TARS3: variants seen among roughly 807,000 people sequenced by gnomAD.
TARS3 encodes the protein threonine--tRNA ligase 2, cytoplasmic.
Under a neutral mutation model 103.5 loss-of-function variants are expected in TARS3, and 94 were observed. The observed-to-expected ratio is 0.91, with a 90% CI of 0.77 to 1.08. TARS3 has a LOEUF of 1.08. Ranked by LOEUF, TARS3 falls within the 50% of genes least tolerant of loss-of-function variation. The pLI is 0.00. For synonymous variants in TARS3, 416 were observed against 355.4 expected, an observed-to-expected ratio of 1.17 and a Z score of -1.92; for missense variants, 952 against 995.2, an observed-to-expected ratio of 0.96 and a Z score of 0.58.
chr15:101,689,973 T>C (rs1340543060), intron 10 of TARS3, among the ~76,000 whole-genome samples: 1 of 152,254 alleles, frequency 6.6e-6, no homozygotes, highest in Non-Finnish European at 1.5e-5. Context: ...CATTTAGTTA[T>C]GACTTTTCCT....
At chr15:101,661,859 C>A in intron 15 of TARS3, 43 bp from the exon 16 acceptor site, 2 of 1,204,872 alleles carry the variant, frequency 1.7e-6, no homozygotes, top group South Asian at 1.6e-5. Flanking sequence ...TCCTAAGATT[C>A]AATAACTATC....
chr15:101,687,424 A>C (rs1898522989), intron 10 of TARS3, among the ~76,000 whole-genome samples: 1 of 152,120 alleles, frequency 6.6e-6, no homozygotes, highest in Non-Finnish European at 1.5e-5. Context: ...GAAAATGTTT[A>C]ACAAAATGAT....
At chr15:101,681,218 T>C (rs982351785) in intron 12 of TARS3, among the ~76,000 whole-genome samples, 3 of 152,204 alleles carry the variant, frequency 2.0e-5, no homozygotes, top group African/African-American at 7.2e-5. Context: ...TCTTCCAAAT[T>C]TGTTTTTATC....
intron 7 of TARS3, among the ~76,000 whole-genome samples, chr15:101,704,408 A>G (rs1899437426): frequency 6.6e-6 from 1 of 152,130 alleles, no homozygotes. Context: ...TAATCCCAGC[A>G]CTTTGGGAGG....
intron 5 of TARS3, among the ~76,000 whole-genome samples, chr15:101,710,440 A>G (rs1349461820): frequency 1.3e-5 from 2 of 152,238 alleles, no homozygotes; most frequent in African/African-American, 4.8e-5. Flanking sequence ...CCAGACTTCC[A>G]GCTGGCATCT....
chr15:101,709,014 T>A, intron 5 of TARS3, 104 bp from the exon 6 acceptor site: 1 of 740,846 alleles, frequency 1.3e-6, no homozygotes, highest in Non-Finnish European at 2.2e-6. Flanking sequence ...ATCTGCTGTC[T>A]TATTGTTCCA....
chr15:101,654,653 C>G lies in TARS3; in HGVS notation c.2338G>C (p.Val780Leu), dbSNP rs759947099. 6 of 1,614,184 alleles carry G rather than the reference C, an allele frequency of 3.7e-6. No homozygotes were observed. Among genetic ancestry groups the G allele is most frequent in the Non-Finnish European group, 5.1e-6 (6 of 1,180,004 alleles). The change falls in exon 19 of 19, where the codon GTA becomes CTA. Residue 780 changes from valine to leucine, a missense_variant. By Grantham distance (32) the Val-to-Leu change is conservative. Around this residue, in one of 2 missense-constraint regions of TARS3, gnomAD observed 540 missense variants for 631.0 expected, o/e 0.86. Coordinates refer to ENST00000335968, the MANE Select transcript of TARS3 (RefSeq NM_152334.3). ...TTCAGTTTATCAATGGCAGAAGTTA[C>G]TAAAATCTCTCCATGAATTTTGTTG... Reference protein sequence around the residue: ...RDNKIHGEILVTSAIDKLKNL... With the variant: ...RDNKIHGEILLTSAIDKLKNL...
At chr15:101,681,930 A>C (rs1376872497) in intron 12 of TARS3, among the ~76,000 whole-genome samples, 1 of 152,132 alleles carries the variant, frequency 6.6e-6, no homozygotes, top group East Asian at 1.9e-4. Context: ...ATTGTTTCTT[A>C]TTTGCAATTT....
chr15:101,682,371 T>C (rs957841568), intron 12 of TARS3, among the ~76,000 whole-genome samples: 1 of 152,186 alleles, frequency 6.6e-6, no homozygotes, highest in Admixed American at 6.5e-5. Flanking sequence ...TCCCTGCATC[T>C]ACTGAGAAGA....
intron 16 of TARS3, among the ~76,000 whole-genome samples, chr15:101,658,768 A>C (rs942830681): frequency 2.6e-5 from 4 of 152,222 alleles, no homozygotes; most frequent in Non-Finnish European, 5.9e-5. Context: ...AAAACTGGGT[A>C]AAGAGTGTGC....
In TARS3 at chr15:101,671,601, A is replaced by G. The variant is rs1301067139; in HGVS notation, c.1867-15T>C. 5 of 1,608,942 alleles carry G rather than the reference A, an allele frequency of 3.1e-6. No homozygotes were observed. The highest frequency in any genetic ancestry group is 4.3e-6 in the Non-Finnish European group (5 of 1,175,690). ...TTTATGTCAATCTACAAATTAAATAATGTTTGCTCAGAAAAGAGTATTTAT... is the reference window on the plus strand; with the variant it reads ...TTTATGTCAATCTACAAATTAAATAGTGTTTGCTCAGAAAAGAGTATTTAT... On this transcript the variant is annotated splice_polypyrimidine_tract_variant and intron_variant, in intron 14 of 18. Coordinates refer to ENST00000335968, the MANE Select transcript of TARS3 (RefSeq NM_152334.3).
rs551534334 is a variant in TARS3 at position 101,691,894 on chromosome 15, C to T, written c.1321-5832G>A. On this transcript the variant is annotated intron_variant, in intron 10 of 18. Transcript: ENST00000335968. ...TCTGTGTATGTACCTGAGCTCTCTC[C>T]TTTTTTTAGATTCATCAGCTCCCCT... Among the ~76,000 whole-genome samples, 5 of 151,784 alleles carry T rather than the reference C, an allele frequency of 3.3e-5. No homozygotes were observed. In the South Asian group the frequency reaches 1.0e-3, roughly 32 times the overall value.
chr15:101,704,070 G>A (rs1420056986), intron 7 of TARS3, 133 bp from the exon 8 acceptor site: 2 of 580,400 alleles, frequency 3.4e-6, no homozygotes, highest in South Asian at 3.2e-5. Flanking sequence ...TTAATTTAGG[G>A]TGAAGGAGAG....
chr15:101,698,334 A>G (rs1178795949), intron 10 of TARS3, among the ~76,000 whole-genome samples: 2 of 152,180 alleles, frequency 1.3e-5, no homozygotes, highest in Non-Finnish European at 2.9e-5. Context: ...CTCTGTCTCA[A>G]AGAAAAATAA....
chr15:101,721,130 T>C lies in TARS3; in HGVS notation c.562A>G (p.Ile188Val). Residue 188 changes from isoleucine (I) to valine (V), a missense_variant, in exon 3 of 19, where the codon ATT becomes GTT. Physicochemically the swap from Ile to Val is conservative, Grantham distance 29. This residue lies in a region of TARS3 where 412 missense variants were observed against 364.2 expected (regional missense o/e 1.13). Transcript: ENST00000335968. ...KTTPYQVAAE[I>V]SQELAESTVI... ...CTTTTCCACACTGCGGTTTACCTAA[T>C]TTCAGCAGCCACTTGGTAAGGCGTT... 1 of 1,595,276 alleles carries C rather than the reference T, an allele frequency of 6.3e-7. No individual in the cohort carries two copies. The highest frequency in any genetic ancestry group is 8.6e-7 in the Non-Finnish European group (1 of 1,164,464).
intron 12 of TARS3, among the ~76,000 whole-genome samples, chr15:101,680,754 T>C (rs998102344): frequency 2.6e-5 from 4 of 152,228 alleles, no homozygotes; most frequent in Non-Finnish European, 4.4e-5. Context: ...CTGTAACCTG[T>C]CTTTCCTGTC....
intron 12 of TARS3, among the ~76,000 whole-genome samples, chr15:101,683,008 CT>C (rs1350710416): frequency 6.6e-6 from 1 of 152,062 alleles, no homozygotes; most frequent in Non-Finnish European, 1.5e-5. Context: ...TTTTATTTGT[CT>C]TTTTTCCCTC....
At chr15:101,654,864 A>G (rs1471267606) in intron 18 of TARS3, 134 bp from the exon 19 acceptor site, 7 of 837,784 alleles carry the variant, frequency 8.4e-6, no homozygotes, top group Admixed American at 2.7e-5. Context: ...CATTTGGTTC[A>G]TCCTCTGATA....
intron 15 of TARS3, among the ~76,000 whole-genome samples, chr15:101,671,022 GAAC>G (rs1897777254): frequency 1.3e-5 from 2 of 152,026 alleles, no homozygotes; most frequent in South Asian, 4.1e-4. Context: ...CAGCACAAGA[GAAC>G]AACAGAATCA....
Sources: gnomAD v4.1 joint callset for allele counts (sites outside exome capture counted in the v4.1 genomes callset) on GRCh38, gnomAD v4.1.1 for gene constraint, gnomAD v4.1.1 regional missense constraint, MANE v1.5 for transcripts, NCBI Gene and HGNC (gene_info 2026-07-23, HGNC 2026-07-21) for gene names.